The following TNFAIP2 variants were observed in gnomAD, a reference collection of about 807,000 sequenced individuals.
TNFAIP2 encodes the protein tumor necrosis factor alpha-induced protein 2.
Under a neutral mutation model 63.5 loss-of-function variants are expected in TNFAIP2, and 47 were observed. The observed-to-expected ratio is 0.74, with a 90% CI of 0.59 to 0.94. The LOEUF (loss-of-function observed/expected upper bound fraction) is 0.94. TNFAIP2 is among the 40% of genes least tolerant of loss of function. TNFAIP2 has a pLI of 0.00. For missense variants in TNFAIP2, 787 were observed against 850.2 expected, an observed-to-expected ratio of 0.93 and a Z score of 0.92; for synonymous variants, 405 against 390.2, an observed-to-expected ratio of 1.04 and a Z score of -0.45.
intron 9 of TNFAIP2, among the ~76,000 whole-genome samples, 172 bp downstream of exon 9, chr14:103,133,044 G>A (rs530733888): frequency 2.0e-5 from 3 of 152,234 alleles, no homozygotes; most frequent in East Asian, 1.9e-4. Context: ...GTGAAGGCAC[G>A]AACATGTGAA....
chr14:103,122,257 C>T (rs1039770335), upstream of TNFAIP2, among the ~76,000 whole-genome samples: 10 of 152,236 alleles, frequency 6.6e-5, no homozygotes, highest in African/African-American at 2.2e-4. Flanking sequence ...TTGGCCAGCA[C>T]TCTGGAAGAG....
rs199747239 is a variant in TNFAIP2 at position 103,131,153 on chromosome 14, G to A, written c.1298+3G>A. The A allele has an allele frequency of 1.2e-6, 2 of 1,614,122 alleles. No individual in the cohort carries two copies. The highest frequency in any genetic ancestry group is 1.3e-5 in the African/African-American group (1 of 75,072). On this transcript the variant is annotated splice_donor_region_variant and intron_variant, in intron 7 of 11. Transcript: ENST00000560869. The surrounding 1 kb of genome is among the most constrained non-coding windows in gnomAD (Gnocchi z 4.0). Reference sequence around the variant, plus strand: ...ATCAACAACTGCCTGTCCTTCCGGTGAGAGTGTTGGGAGGGGCTTGCGGGA... The same window carrying A: ...ATCAACAACTGCCTGTCCTTCCGGTAAGAGTGTTGGGAGGGGCTTGCGGGA...
chr14:103,127,386 C>G lies in TNFAIP2; in HGVS notation c.617C>G (p.Pro206Arg). The G allele has an allele frequency of 2.0e-6, 3 of 1,530,586 alleles. No individual in the cohort carries two copies. Among genetic ancestry groups the G allele is most frequent in the Non-Finnish European group, 2.6e-6 (3 of 1,144,586 alleles). 94.8% of individuals were successfully genotyped at this position (1,530,586 alleles called of 1,614,324 possible). A position where few individuals can be genotyped will look rare whatever the true frequency, so the allele number is the denominator to read the frequency against. Residue 206 changes from proline to arginine, a missense_variant, in exon 3 of 12, where the codon CCG (proline) becomes CGG (arginine). By Grantham distance (103) the Pro-to-Arg change is moderately radical. Around this residue, in one of 3 missense-constraint regions of TNFAIP2, gnomAD observed 523 missense variants for 604.1 expected, o/e 0.87. Coordinates refer to ENST00000560869, the MANE Select transcript of TNFAIP2 (RefSeq NM_006291.4). This position sits in a 1 kb window ranked among gnomAD's most constrained non-coding sequence, Gnocchi z 5.1. The part of the protein sequence containing the change: ...EAAEERMGQR[P>R]AAGAEVPESV... ...GCCGAGGAGCGCATGGGCCAGCGGC[C>G]GGCCGCGGGCGCCGAGGTCCCCGAG...
Position 103,127,452 on chromosome 14 carries a change from T to G in TNFAIP2, c.683T>G (p.Leu228Arg). 6.3e-7 allele frequency: 1 copy of G among 1,588,218 alleles called. No individual in the cohort carries two copies. Among genetic ancestry groups the G allele is most frequent in the Non-Finnish European group, 8.5e-7 (1 of 1,175,370 alleles). Reference protein sequence around the residue: ...LHLGRTMKEDLEAVVERLKPL... With the variant: ...LHLGRTMKEDREAVVERLKPL... ...TTGGGCCGCACCATGAAGGAGGACC[T>G]GGAGGCCGTGGTGGAGCGGCTGAAG... The change falls in exon 3 of 12, where the codon CTG (leucine) becomes CGG (arginine). Residue 228 changes from leucine (L) to arginine (R), a missense_variant. Around this residue, in one of 3 missense-constraint regions of TNFAIP2, gnomAD observed 523 missense variants for 604.1 expected, o/e 0.87. Transcript: ENST00000560869. The surrounding 1 kb of genome is among the most constrained non-coding windows in gnomAD (Gnocchi z 5.1).
At position 103,131,169 on chromosome 14, in the gene TNFAIP2, GC is replaced by G; in HGVS notation, c.1298+20del. 1 of 1,613,036 alleles carries G rather than the reference GC, an allele frequency of 6.2e-7. No homozygotes were observed. Among genetic ancestry groups the G allele is most frequent in the Non-Finnish European group, 8.5e-7 (1 of 1,179,162 alleles). On this transcript the variant is annotated intron_variant, in intron 7 of 11. Coordinates refer to ENST00000560869, the MANE Select transcript of TNFAIP2 (RefSeq NM_006291.4). The surrounding 1 kb of genome is among the most constrained non-coding windows in gnomAD (Gnocchi z 4.0). ...CCTTCCGGTGAGAGTGTTGGGAGGG[GC>G]TTGCGGGAGTGGGAGTCACTCAGCG...
At chr14:103,125,271 C>A (rs1340235564) in intron 1 of TNFAIP2, among the ~76,000 whole-genome samples, 1 of 152,232 alleles carries the variant, frequency 6.6e-6, no homozygotes, top group Non-Finnish European at 1.5e-5. Context: ...CAGCCATGCT[C>A]TTCTCCAGTG....
intron 6 of TNFAIP2, 136 bp from the exon 7 acceptor site, chr14:103,130,916 C>A: frequency 1.2e-6 from 1 of 815,058 alleles, no homozygotes; most frequent in Non-Finnish European, 2.0e-6. Flanking sequence ...TGCCCAGGGG[C>A]TAGCGGCCCC....
At chr14:103,129,089 G>A (rs890155052) in intron 3 of TNFAIP2, among the ~76,000 whole-genome samples, 3 of 152,202 alleles carry the variant, frequency 2.0e-5, no homozygotes, top group Non-Finnish European at 4.4e-5. Context: ...GCTCTGGGGC[G>A]CTGCAGAGGC....
At chr14:103,122,011 C>T (rs78518999), upstream of TNFAIP2, among the ~76,000 whole-genome samples, 2,063 of 152,294 alleles carry the variant, frequency 0.014, 41 homozygotes, top group African/African-American at 0.047. Flanking sequence ...TCCTCATCGC[C>T]CCTGTGTGGA....
chr14:103,130,073 C>G lies in TNFAIP2; in HGVS notation c.1047C>G (p.Pro349=). The change falls in exon 5 of 12, where the codon CCC becomes CCG. Residue 349 remains proline (P), a synonymous_variant. Transcript: ENST00000560869. ...GGCGCTGGGCTGAGGATGTGCCTCC[C>G]CAGAGGCTGGACGGCCACTGCCACA... ...EARRWAEDVP[P]QRLDGHCHSE... 1 of 1,613,448 alleles carries G rather than the reference C, an allele frequency of 6.2e-7. No individual in the cohort carries two copies. The highest frequency in any genetic ancestry group is 8.5e-7 in the Non-Finnish European group (1 of 1,179,894).
rs2087999418 is a variant in TNFAIP2 at position 103,132,588 on chromosome 14, G to A, written c.1423-162G>A. 3.0e-6 allele frequency: 3 copies of A among 1,000,148 alleles called. No homozygotes were observed. In the Admixed American group the frequency reaches 6.1e-5, roughly 20 times the overall value. The allele number at this position is 1,000,148 out of a possible 1,614,324, so 62.0% of individuals were successfully genotyped here. On this transcript the variant is annotated intron_variant, in intron 8 of 11. Coordinates refer to ENST00000560869, the MANE Select transcript of TNFAIP2 (RefSeq NM_006291.4). ...CTCCCACTTCCTGTCTGTGAGCAGG[G>A]ACCTGAGGTTGGCCCGGGTTCCCTG...
In TNFAIP2 at chr14:103,136,124, G is replaced by T. The variant is rs2088090810; in HGVS notation, c.*764G>T. On this transcript the variant is annotated 3_prime_UTR_variant, in exon 12 of 12. Coordinates refer to ENST00000560869, the MANE Select transcript of TNFAIP2 (RefSeq NM_006291.4). ...TCAGGCTCCCCCTTCCCCAAGGCAG[G>T]GACAGGCCCTGGGGGTGCCACCGTG... is the stretch of plus-strand genomic sequence containing the variant. 2 of 974,282 alleles carry T rather than the reference G, an allele frequency of 2.1e-6. No homozygotes were observed. The allele number at this position is 974,282 out of a possible 1,614,324, so 60.4% of individuals were successfully genotyped here.
intron 6 of TNFAIP2, 93 bp downstream of exon 6, chr14:103,130,508 C>T (rs1235810868): frequency 3.4e-6 from 4 of 1,190,280 alleles, no homozygotes; most frequent in East Asian, 2.6e-5. Context: ...GAGCTGGATC[C>T]CCGCCCTCTA....
At chr14:103,134,399 C>T (rs2088052557) in intron 11 of TNFAIP2, among the ~76,000 whole-genome samples, 1 of 152,098 alleles carries the variant, frequency 6.6e-6, no homozygotes, top group East Asian at 1.9e-4. Context: ...CCACCCATTC[C>T]TTCACCCATC....
chr14:103,123,062 G>A (rs2139539888), upstream of TNFAIP2: 1 of 247,438 alleles, frequency 4.0e-6, no homozygotes, highest in East Asian at 1.1e-4. Flanking sequence ...GAGTTGGGGT[G>A]GGACGGGCTC....
At chr14:103,122,324 C>T (rs1891140028), upstream of TNFAIP2, among the ~76,000 whole-genome samples, 1 of 152,084 alleles carries the variant, frequency 6.6e-6, no homozygotes, top group African/African-American at 2.4e-5. Context: ...CCGCTGGCCC[C>T]CCTGGTCCTG....
chr14:103,136,701 T>G lies in TNFAIP2; in HGVS notation c.*1341T>G, dbSNP rs2088101339. 3.3e-5 allele frequency: 5 copies of G among 152,144 alleles called. No homozygotes were observed. Among genetic ancestry groups the G allele is most frequent in the Admixed American group, 3.3e-4 (5 of 15,262 alleles). 9.4% of individuals were successfully genotyped at this position (152,144 alleles called of 1,614,324 possible). A position where few individuals can be genotyped will look rare whatever the true frequency, so the allele number is the denominator to read the frequency against. ...ACATATTTTTTGTGGATACAGGGTC[T>G]CATTCTGTTGCCTAGGCTTGTCTGG... is the stretch of plus-strand genomic sequence containing the variant. On this transcript the variant is annotated 3_prime_UTR_variant, in exon 12 of 12. Coordinates refer to ENST00000560869, the MANE Select transcript of TNFAIP2 (RefSeq NM_006291.4).
intron 9 of TNFAIP2, among the ~76,000 whole-genome samples, chr14:103,133,087 C>T (rs1248189096): frequency 2.0e-5 from 3 of 152,260 alleles, no homozygotes; most frequent in African/African-American, 7.2e-5. Context: ...CATGTGAATG[C>T]ACGAGCATGT....
At position 103,127,552 on chromosome 14, in the gene TNFAIP2, G is replaced by C. The variant is rs767700454; in HGVS notation, c.783G>C (p.Leu261=). Reference sequence around the variant, plus strand: ...ACCACCAGCACTTCGCGGCCCACCTGGCCGCCGTGGCGCAGTTCGAGCTGT... The same window carrying C: ...ACCACCAGCACTTCGCGGCCCACCTCGCCGCCGTGGCGCAGTTCGAGCTGT... ...ESYHQHFAAH[L]AAVAQFELCE... The change falls in exon 3 of 12, where the codon CTG becomes CTC. Residue 261 remains leucine (L), a synonymous_variant. Transcript: ENST00000560869. This position sits in a 1 kb window ranked among gnomAD's most constrained non-coding sequence, Gnocchi z 5.1. The C allele has an allele frequency of 6.3e-7, 1 of 1,584,100 alleles. No homozygotes were observed. The highest frequency in any genetic ancestry group is 8.5e-7 in the Non-Finnish European group (1 of 1,172,064).
Sources: gnomAD v4.1 joint callset for allele counts (sites outside exome capture counted in the v4.1 genomes callset) on GRCh38, gnomAD v4.1.1 for gene constraint, gnomAD v4.1.1 regional missense constraint, Gnocchi (gnomAD v3.1) non-coding constraint, MANE v1.5 for transcripts, NCBI Gene and HGNC (gene_info 2026-07-23, HGNC 2026-07-21) for gene names.